Variants in SGO1 observed in about 807,000 individuals in gnomAD.
The protein encoded by SGO1 is shugoshin 1, also known as serologically defined breast cancer antigen NY-BR-85.
SGO1 carries 39 observed loss-of-function variants against 50.5 expected under a neutral mutation model. The ratio of observed to expected loss-of-function variants is 0.77; its 90% confidence interval spans 0.60 to 1.01. The LOEUF (loss-of-function observed/expected upper bound fraction) is 1.01. Among genes scored for constraint, SGO1 ranks in the 50% least tolerant of loss-of-function variants. SGO1 has a pLI of 0.00. For missense variants in SGO1, 638 were observed against 606.0 expected (o/e 1.05, Z -0.55); for synonymous variants, 191 against 205.1 (o/e 0.93, Z 0.59).
chr3:20,170,993 C>G, intron 7 of SGO1, 50 bp downstream of exon 7: 1 of 1,513,266 alleles, frequency 6.6e-7, no homozygotes, highest in Non-Finnish European at 8.9e-7. Flanking sequence ...TAACCTTATT[C>G]CCCCCGACAT....
chr3:20,163,239 C>G (rs1256728445), intron 8 of SGO1, among the ~76,000 whole-genome samples: 1 of 152,062 alleles, frequency 6.6e-6, no homozygotes, highest in East Asian at 1.9e-4. Flanking sequence ...ATCCCTTTTC[C>G]TGTTTGGAAA....
chr3:20,164,312 A>G (rs1700186823), intron 8 of SGO1, among the ~76,000 whole-genome samples: 1 of 152,330 alleles, frequency 6.6e-6, no homozygotes, highest in South Asian at 2.1e-4. Context: ...CCATATTAAG[A>G]GAATAAAGGA....
chr3:20,161,755 A>G (rs765589563), intron 8 of SGO1, among the ~76,000 whole-genome samples: 1 of 152,220 alleles, frequency 6.6e-6, no homozygotes, highest in Non-Finnish European at 1.5e-5. Context: ...ATAATTTTTC[A>G]TAATAAAAAG....
At chr3:20,180,616 G>T (rs765339941) in intron 3 of SGO1, among the ~76,000 whole-genome samples, 3 of 152,138 alleles carry the variant, frequency 2.0e-5, no homozygotes, top group Non-Finnish European at 4.4e-5. Context: ...AGTAGGAACA[G>T]GGGCCATTCT....
chr3:20,175,663 G>C (rs564955064), intron 5 of SGO1, among the ~76,000 whole-genome samples: 1 of 152,058 alleles, frequency 6.6e-6, no homozygotes, highest in East Asian at 1.9e-4. Context: ...GCCAGGCGTG[G>C]TGGTGGGTGC....
At chr3:20,166,306 G>A (rs886971830), downstream of SGO1, among the ~76,000 whole-genome samples, 1 of 151,928 alleles carries the variant, frequency 6.6e-6, no homozygotes, top group Non-Finnish European at 1.5e-5. Context: ...ACAACCTATT[G>A]GATTTGAATA....
chr3:20,171,228 T>C lies in SGO1; in HGVS notation c.1287A>G (p.Thr429=), dbSNP rs761919665. 5 of 1,561,140 alleles carry C rather than the reference T, an allele frequency of 3.2e-6. No homozygotes were observed. In the African/African-American group the frequency reaches 7.0e-5, roughly 22 times the overall value. The change falls in exon 7 of 8, where the codon ACA becomes ACG. Residue 429 remains threonine (T), a synonymous_variant. Coordinates refer to ENST00000412997, the MANE Select transcript of SGO1 (RefSeq NM_001199251.3). ...GAGGTGACTGCTGAGTTTCAGGTGG[T>C]GTAGCTACAAAACAATTTTTACTGA... The part of the protein sequence containing the change: ...GSKPTKTPTT[T]PPETQQSPHL...
chr3:20,183,030 AT>A (rs1018457110), intron 3 of SGO1, among the ~76,000 whole-genome samples: 4 of 152,078 alleles, frequency 2.6e-5, no homozygotes, highest in Non-Finnish European at 4.4e-5. Flanking sequence ...AAAAAAAAAA[AT>A]ATTTGAGCAG....
At chr3:20,169,100 G>T (rs189370527), downstream of SGO1, 1 of 985,326 alleles carries the variant, frequency 1.0e-6, no homozygotes, top group Non-Finnish European at 1.2e-6. Context: ...TGATGTGGCG[G>T]ATAGAAAAAT....
chr3:20,179,224 G>C (rs1701740858), intron 3 of SGO1, among the ~76,000 whole-genome samples: 1 of 152,158 alleles, frequency 6.6e-6, no homozygotes, highest in Admixed American at 6.5e-5. Flanking sequence ...GCATCTGTGG[G>C]GGAGACAAGG....
intron 6 of SGO1, among the ~76,000 whole-genome samples, chr3:20,172,501 CA>C (rs60237637): frequency 0.3 from 31,215 of 102,606 alleles, 3,838 homozygotes; most frequent in African/African-American, 0.46. Flanking sequence ...AACTCTGTTT[CA>C]AAAAAAAAAA....
intron 8 of SGO1, among the ~76,000 whole-genome samples, chr3:20,163,431 C>G (rs1390817680): frequency 6.6e-6 from 1 of 152,112 alleles, no homozygotes; most frequent in Non-Finnish European, 1.5e-5. Flanking sequence ...TTTGGAAAAA[C>G]TGGGTTCATC....
Position 20,169,754 on chromosome 3 carries a change from T to G in SGO1, c.*950A>C, listed in dbSNP as rs1270716966. The G allele has an allele frequency of 2.2e-6, 2 of 929,112 alleles. No individual in the cohort carries two copies. Among genetic ancestry groups the G allele is most frequent in the African/African-American group, 3.6e-5 (2 of 55,978 alleles). 57.6% of individuals were successfully genotyped at this position (929,112 alleles called of 1,614,324 possible). A position where few individuals can be genotyped will look rare whatever the true frequency, so the allele number is the denominator to read the frequency against. The stretch of plus-strand genomic sequence containing the variant: ...TACAATTAGAGCTTGGGGTTCACAA[T>G]TAGTCACTTATCTTGTCCCTGAGCC... On this transcript the variant is annotated 3_prime_UTR_variant, in exon 8 of 8. Coordinates refer to ENST00000412997, the MANE Select transcript of SGO1 (RefSeq NM_001199251.3).
chr3:20,183,058 T>C (rs1702211847), intron 3 of SGO1, among the ~76,000 whole-genome samples: 1 of 152,136 alleles, frequency 6.6e-6, no homozygotes, highest in African/African-American at 2.4e-5. Context: ...TTTATGATCT[T>C]ACTTGTCTGG....
downstream of SGO1, among the ~76,000 whole-genome samples, chr3:20,164,641 G>A (rs775962345): frequency 2.0e-5 from 3 of 152,012 alleles, no homozygotes; most frequent in East Asian, 1.9e-4. Flanking sequence ...TTGTCTTTAC[G>A]TGCAGACTTT....
intron 3 of SGO1, among the ~76,000 whole-genome samples, chr3:20,181,252 A>T (rs945977427): frequency 4.6e-5 from 7 of 152,246 alleles, no homozygotes; most frequent in Admixed American, 2.0e-4. Context: ...AAAAAAGAAC[A>T]TTTAACTATA....
rs761787501 is a variant in SGO1 at position 20,183,643 on chromosome 3, T to C, written c.304A>G (p.Lys102Glu). 27 of 1,599,746 alleles carry C rather than the reference T, an allele frequency of 1.7e-5. No individual in the cohort carries two copies. Among genetic ancestry groups the C allele is most frequent in the Non-Finnish European group, 2.2e-5 (26 of 1,176,424 alleles). The change falls in exon 3 of 8, where the codon AAA becomes GAA. Residue 102 changes from lysine (K) to glutamate (E), a missense_variant. Physicochemically the swap from Lys to Glu is moderately conservative, Grantham distance 56. Coordinates refer to ENST00000412997, the MANE Select transcript of SGO1 (RefSeq NM_001199251.3). Reference sequence around the variant, plus strand: ...TCTACTGTTTGTTGTGATGTAAGTTTTCCTTTCAATGCATATAGCTGACAT... The same window carrying C: ...TCTACTGTTTGTTGTGATGTAAGTTCTCCTTTCAATGCATATAGCTGACAT... The part of the protein sequence containing the change: ...LTCQLYALKG[K>E]LTSQQTVEPA...
intron 3 of SGO1, among the ~76,000 whole-genome samples, chr3:20,181,140 G>A (rs1294800367): frequency 6.6e-6 from 1 of 152,184 alleles, no homozygotes; most frequent in African/African-American, 2.4e-5. Context: ...CTGGGTAAGA[G>A]CGAGACTCTG....
chr3:20,165,793 T>G (rs901802126), downstream of SGO1, among the ~76,000 whole-genome samples: 1 of 152,236 alleles, frequency 6.6e-6, no homozygotes, highest in Non-Finnish European at 1.5e-5. Context: ...GGCTCACGCC[T>G]GTAATCCCAG....
Sources: gnomAD v4.1 joint callset for allele counts (sites outside exome capture counted in the v4.1 genomes callset) on GRCh38, gnomAD v4.1.1 for gene constraint, MANE v1.5 for transcripts, NCBI Gene and HGNC (gene_info 2026-07-23, HGNC 2026-07-21) for gene names.